The following DOCK2 variants were observed in gnomAD, a reference collection of about 807,000 sequenced individuals.
DOCK2 encodes dedicator of cytokinesis 2.
Under a neutral mutation model 248.9 loss-of-function variants are expected in DOCK2, and 87 were observed. That is an observed-to-expected ratio of 0.35 (90% CI 0.29 to 0.42). DOCK2 has a LOEUF of 0.42. Among genes scored for constraint, DOCK2 ranks in the 10% least tolerant of loss-of-function variants. The pLI, the probability that DOCK2 is intolerant of heterozygous loss-of-function variation, is 1.00. For missense variants in DOCK2, 1,747 were observed against 2,300.2 expected (o/e 0.76, Z 4.92); for synonymous variants, 805 against 821.6 (o/e 0.98, Z 0.35).
chr5:170,065,983 G>A (rs1336092575), intron 44 of DOCK2, among the ~76,000 whole-genome samples: 3 of 136,476 alleles, frequency 2.2e-5, no homozygotes, highest in Admixed American at 7.7e-5. Context: ...ACAGAGTCTC[G>A]CTCTGTCGCC....
At chr5:169,876,448 A>G (rs180970578) in intron 27 of DOCK2, among the ~76,000 whole-genome samples, 1 of 152,328 alleles carries the variant, frequency 6.6e-6, no homozygotes. Flanking sequence ...GAGAAGGGAG[A>G]TATTTTCACC....
chr5:169,650,405 A>T (rs771434680), intron 1 of DOCK2, among the ~76,000 whole-genome samples: 2 of 152,144 alleles, frequency 1.3e-5, no homozygotes, highest in Admixed American at 1.3e-4. Context: ...CAGTTTCCTT[A>T]TATATAAATC....
At chr5:169,879,216 C>T (rs773596426) in intron 27 of DOCK2, among the ~76,000 whole-genome samples, 1 of 152,186 alleles carries the variant, frequency 6.6e-6, no homozygotes, top group Admixed American at 6.5e-5. Flanking sequence ...GCTTTATGTA[C>T]AGTGACATGC....
chr5:170,075,616 C>G, intron 46 of DOCK2: 1 of 232,994 alleles, frequency 4.3e-6, no homozygotes, highest in Non-Finnish European at 8.5e-6. Flanking sequence ...AGAGATTCCC[C>G]TCCTCTGATC....
rs115849928 is a variant in DOCK2, at chr5:169,943,147, T to C, written c.2800-39921T>C. Among the ~76,000 whole-genome samples the C allele has an allele frequency of 2.9e-3, 441 of 152,316 alleles. 3 individuals are homozygous for C. The highest frequency in any genetic ancestry group is 0.01 in the African/African-American group (416 of 41,578). ...GTTTTCCCCACACCCAGGCCATCAA[T>C]GTCTCTGCTTCCTAAAGTACCCGTG... On this transcript the variant is annotated intron_variant, in intron 27 of 51. Coordinates refer to ENST00000520908, the MANE Select transcript of DOCK2 (RefSeq NM_004946.3).
chr5:169,934,863 C>T (rs895383714), intron 27 of DOCK2: 8 of 372,028 alleles, frequency 2.2e-5, no homozygotes, highest in South Asian at 1.4e-4. Flanking sequence ...TTATACATTG[C>T]CAAAACAACT....
intron 27 of DOCK2, among the ~76,000 whole-genome samples, chr5:169,956,576 T>C (rs1776876829): frequency 3.3e-5 from 5 of 152,226 alleles, no homozygotes; most frequent in Admixed American, 2.6e-4. Flanking sequence ...AGCCTTAAGA[T>C]GCTGGGCACA....
At chr5:169,991,501 G>A (rs1778204602) in intron 29 of DOCK2, among the ~76,000 whole-genome samples, 2 of 152,320 alleles carry the variant, frequency 1.3e-5, no homozygotes, top group South Asian at 4.1e-4. Flanking sequence ...CTCCTTGTGG[G>A]CTATTTGAAA....
intron 26 of DOCK2, among the ~76,000 whole-genome samples, chr5:169,820,882 A>G (rs985004510): frequency 2.0e-5 from 3 of 152,214 alleles, no homozygotes; most frequent in South Asian, 2.1e-4. Flanking sequence ...AAAAGATTAG[A>G]TGAATGGCTA....
chr5:169,999,274 T>G (rs992293151), intron 30 of DOCK2, among the ~76,000 whole-genome samples: 1 of 152,182 alleles, frequency 6.6e-6, no homozygotes. Context: ...TTACTTCATC[T>G]CTATGTGCCT....
chr5:169,839,045 A>G (rs377578574), intron 26 of DOCK2, among the ~76,000 whole-genome samples: 18 of 152,322 alleles, frequency 1.2e-4, no homozygotes, highest in East Asian at 3.9e-4. Context: ...TTAATGCGGT[A>G]AAGCTTGCTG....
chr5:169,781,369 C>T (rs1164750114), intron 25 of DOCK2, among the ~76,000 whole-genome samples: 1 of 152,176 alleles, frequency 6.6e-6, no homozygotes, highest in Non-Finnish European at 1.5e-5. Flanking sequence ...AAACTCTAGT[C>T]CAGGAAAGCT....
chr5:169,953,820 A>C (rs763878212), intron 27 of DOCK2, among the ~76,000 whole-genome samples: 1 of 152,226 alleles, frequency 6.6e-6, no homozygotes, highest in African/African-American at 2.4e-5. Flanking sequence ...GGCTAAGAGC[A>C]TGAGCCCTGG....
chr5:170,033,515 G>A (rs1025361998), intron 34 of DOCK2, among the ~76,000 whole-genome samples: 3 of 152,172 alleles, frequency 2.0e-5, no homozygotes, highest in African/African-American at 7.2e-5. Flanking sequence ...CACTTTATAA[G>A]CACATAGAGA....
At position 169,866,219 on chromosome 5, in the gene DOCK2, C is replaced by G. The variant is rs189301949; in HGVS notation, c.2799+25367C>G. ...GGCTTGCTTCTCCTCCACTTACATG[C>G]CTTCTCTTTCTGTTCTCTCTGGCCC... is the stretch of plus-strand genomic sequence containing the variant. On this transcript the variant is annotated intron_variant, in intron 27 of 51. Transcript: ENST00000520908. 6.9e-3 allele frequency among the ~76,000 whole-genome samples: 1,047 copies of G among 152,320 alleles called. 11 individuals are homozygous for G. Among genetic ancestry groups the G allele is most frequent in the African/African-American group, 0.024 (1,011 of 41,570 alleles).
chr5:170,018,433 A>T (rs1326746754), intron 32 of DOCK2, among the ~76,000 whole-genome samples: 5 of 152,144 alleles, frequency 3.3e-5, no homozygotes, highest in Admixed American at 2.0e-4. Context: ...GGCAGAAGAG[A>T]CGAGAAGTTG....
At chr5:169,909,478 T>C (rs927117733) in intron 27 of DOCK2, among the ~76,000 whole-genome samples, 13 of 152,226 alleles carry the variant, frequency 8.5e-5, no homozygotes, top group African/African-American at 2.9e-4. Context: ...ATATTTGGTT[T>C]TGGATTCACA....
At chr5:169,787,923 T>C (rs1221936337) in intron 25 of DOCK2, among the ~76,000 whole-genome samples, 1 of 152,080 alleles carries the variant, frequency 6.6e-6, no homozygotes, top group Admixed American at 6.6e-5. Context: ...TGCATTGTAA[T>C]TGCCCATGGG....
intron 15 of DOCK2, among the ~76,000 whole-genome samples, chr5:169,710,355 G>A (rs1422703238): frequency 6.6e-6 from 1 of 152,178 alleles, no homozygotes; most frequent in African/African-American, 2.4e-5. Flanking sequence ...TCTTGTGGGT[G>A]GTGCCCAGTT....
Sources: gnomAD v4.1 joint callset for allele counts (sites outside exome capture counted in the v4.1 genomes callset) on GRCh38, gnomAD v4.1.1 for gene constraint, MANE v1.5 for transcripts, NCBI Gene and HGNC (gene_info 2026-07-23, HGNC 2026-07-21) for gene names.